Variants in UACA observed in about 807,000 individuals in gnomAD.
UACA encodes the protein nuclear membrane binding protein.
In UACA, 112 loss-of-function variants were observed where a neutral mutation model predicts 160.5. That is an observed-to-expected ratio of 0.70 (90% confidence interval 0.60 to 0.82). UACA has a LOEUF of 0.82. Ranked by LOEUF, UACA falls within the 40% of genes least tolerant of loss-of-function variation. The probability of loss-of-function intolerance (pLI) is 0.00; values close to 1 mark genes in which losing one functional copy is unlikely to be tolerated. For synonymous variants in UACA, 557 were observed against 568.4 expected (o/e 0.98, Z 0.29); for missense variants, 1,574 against 1,614.6 (o/e 0.97, Z 0.43).
At chr15:70,767,532 G>A (rs181887642), upstream of UACA, among the ~76,000 whole-genome samples, 10 of 151,310 alleles carry the variant, frequency 6.6e-5, no homozygotes, top group East Asian at 1.6e-3. Flanking sequence ...AGGTTGCAGC[G>A]AGCCAGAATA....
rs1213617382 is a variant in UACA, at chr15:70,666,896, T to C, written c.3788A>G (p.His1263Arg). The change falls in exon 16 of 19, where the codon CAT (histidine) becomes CGT (arginine). Residue 1263 changes from histidine (H) to arginine (R), a missense_variant. Coordinates refer to ENST00000322954, the MANE Select transcript of UACA (RefSeq NM_018003.4). Reference protein sequence around the residue: ...KYEEVCEEVLHAKKKEISAKD... With the variant: ...KYEEVCEEVLRAKKKEISAKD... ...TGCAGATATTTCCTTCTTTTTGGCA[T>C]GCAAAACTTCCTCACATACTTCCTC... is the stretch of plus-strand genomic sequence containing the variant. The C allele has an allele frequency of 6.2e-7, 1 of 1,613,802 alleles. No homozygotes were observed. The highest frequency in any genetic ancestry group is 8.5e-7 in the Non-Finnish European group (1 of 1,179,920).
chr15:70,708,484 C>T (rs559984755), intron 1 of UACA, among the ~76,000 whole-genome samples: 6 of 144,868 alleles, frequency 4.1e-5, no homozygotes, highest in East Asian at 2.0e-4. Context: ...TTTTTTGAGA[C>T]GGAGTTTGTT....
At chr15:70,678,228 G>C (rs373453426) in intron 10 of UACA, 22 bp from the exon 11 acceptor site, 2 of 1,566,308 alleles carry the variant, frequency 1.3e-6, no homozygotes, top group African/African-American at 2.7e-5. Context: ...AAGACAACAA[G>C]GTGCCAGGCC....
At chr15:70,661,535 T>TA (rs1447645685) in intron 17 of UACA, 1 of 152,044 alleles carries the variant, frequency 6.6e-6, no homozygotes, top group East Asian at 1.9e-4. Context: ...AAATAAACAC[T>TA]AAAAAAGAAA....
chr15:70,749,430 G>A (rs1030761333), intron 1 of UACA: 3 of 173,266 alleles, frequency 1.7e-5, no homozygotes, highest in African/African-American at 7.2e-5. Flanking sequence ...GGAGGCTGAG[G>A]CAGGAGAATG....
chr15:70,683,420 T>C (rs971823134), intron 8 of UACA, among the ~76,000 whole-genome samples: 1 of 152,060 alleles, frequency 6.6e-6, no homozygotes, highest in Non-Finnish European at 1.5e-5. Flanking sequence ...TTTGCCAACA[T>C]AGACCAAAGG....
intron 1 of UACA, among the ~76,000 whole-genome samples, chr15:70,748,091 T>C (rs1326236402): frequency 2.6e-5 from 4 of 152,176 alleles, no homozygotes; most frequent in Non-Finnish European, 5.9e-5. Context: ...CAAGCTAGGC[T>C]GACACTGGAC....
At chr15:70,720,565 C>CTCTGG (rs1898958640) in intron 1 of UACA, among the ~76,000 whole-genome samples, 4 of 152,134 alleles carry the variant, frequency 2.6e-5, no homozygotes, top group Non-Finnish European at 5.9e-5. Flanking sequence ...TATTTTAGTT[C>CTCTGG]ATTGATCTCT....
intron 1 of UACA, among the ~76,000 whole-genome samples, chr15:70,710,050 G>C (rs1440318474): frequency 6.6e-6 from 1 of 152,120 alleles, no homozygotes; most frequent in Non-Finnish European, 1.5e-5. Flanking sequence ...TTGAGCCCAG[G>C]AGTTGAGACC....
chr15:70,763,665 T>C (rs954245646), upstream of UACA: 10 of 510,616 alleles, frequency 2.0e-5, no homozygotes, highest in Non-Finnish European at 2.7e-5. Context: ...GGACTTCCCT[T>C]TTAAACTGAG....
chr15:70,717,756 C>T (rs1474473449), intron 1 of UACA, among the ~76,000 whole-genome samples: 2 of 152,110 alleles, frequency 1.3e-5, no homozygotes, highest in African/African-American at 4.8e-5. Flanking sequence ...TGGTGCCCAG[C>T]TGTTTGGACA....
intron 1 of UACA, chr15:70,754,034 G>A (rs1302828321): frequency 4.5e-6 from 2 of 443,222 alleles, no homozygotes; most frequent in Admixed American, 2.4e-5. Context: ...TCGAACTCCT[G>A]ACCTCAAGTG....
chr15:70,747,616 G>A (rs1048808869), intron 1 of UACA, among the ~76,000 whole-genome samples: 1 of 151,756 alleles, frequency 6.6e-6, no homozygotes, highest in Non-Finnish European at 1.5e-5. Flanking sequence ...TCTCTGGTAG[G>A]GTAGAAAAGC....
chr15:70,760,327 T>A (rs1221224175), intron 1 of UACA, among the ~76,000 whole-genome samples: 2 of 151,978 alleles, frequency 1.3e-5, no homozygotes, highest in African/African-American at 4.8e-5. Context: ...AACCTAAAAA[T>A]CATAAAAGGT....
At chr15:70,754,016 G>A (rs1227287122) in intron 1 of UACA, 1 of 422,836 alleles carries the variant, frequency 2.4e-6, no homozygotes, top group Non-Finnish European at 4.7e-6. Flanking sequence ...ATGTTGCCCA[G>A]GCTGGTTTCG....
intron 1 of UACA, among the ~76,000 whole-genome samples, chr15:70,718,960 G>A (rs1365844229): frequency 6.6e-6 from 1 of 151,792 alleles, no homozygotes; most frequent in Non-Finnish European, 1.5e-5. Context: ...TTGTCATTAA[G>A]TAGATTTAAT....
intron 1 of UACA, among the ~76,000 whole-genome samples, chr15:70,720,606 G>A (rs1474422636): frequency 6.6e-6 from 1 of 152,200 alleles, no homozygotes; most frequent in Non-Finnish European, 1.5e-5. Context: ...GATAAAAGAC[G>A]TAGAAATCCT....
intron 1 of UACA, among the ~76,000 whole-genome samples, chr15:70,725,232 TGTTAG>T (rs1899109789): frequency 6.6e-6 from 1 of 152,206 alleles, no homozygotes; most frequent in Non-Finnish European, 1.5e-5. Flanking sequence ...TTTCTTCCCC[TGTTAG>T]GTTAAAGGAA....
Position 70,762,946 on chromosome 15 carries a change from G to A in UACA, c.78+384C>T, listed in dbSNP as rs373874845. 1.4e-3 allele frequency among the ~76,000 whole-genome samples: 206 copies of A among 152,296 alleles called. 2 individuals are homozygous for A. The highest frequency in any genetic ancestry group is 8.0e-3 in the East Asian group (41 of 5,148). On this transcript the variant is annotated intron_variant, in intron 1 of 18. Coordinates refer to ENST00000322954, the MANE Select transcript of UACA (RefSeq NM_018003.4). Reference sequence around the variant, plus strand: ...GACTGGGGAGCCAACACGGCCGAGCGGGCGTGGGCAGCAGGGCGAGCGCCG... The same window carrying A: ...GACTGGGGAGCCAACACGGCCGAGCAGGCGTGGGCAGCAGGGCGAGCGCCG...
Sources: allele counts gnomAD v4.1 joint callset (sites outside exome capture counted in the v4.1 genomes callset), GRCh38; gene constraint gnomAD v4.1.1; transcripts MANE v1.5; gene names NCBI Gene and HGNC (gene_info 2026-07-23, HGNC 2026-07-21).